Variants in RCOR1 observed in about 807,000 individuals in gnomAD.
RCOR1 encodes REST corepressor 1, also known as REST corepressor.
In RCOR1, 12 loss-of-function variants were observed where a neutral mutation model predicts 64.0. The ratio of observed to expected loss-of-function variants is 0.19; its 90% CI spans 0.12 to 0.30. The LOEUF is 0.30. Among genes scored for constraint, RCOR1 ranks in the 10% least tolerant of loss-of-function variants. RCOR1 has a pLI of 1.00. For missense variants in RCOR1, 502 were observed against 621.2 expected (o/e 0.81, Z 2.04); for synonymous variants, 279 against 227.2 (o/e 1.23, Z -2.05).
chr14:102,600,590 A>G (rs1893371558), intron 2 of RCOR1, among the ~76,000 whole-genome samples: 1 of 142,678 alleles, frequency 7.0e-6, no homozygotes. Flanking sequence ...TTTTTTTTGA[A>G]GACGGAGTCT....
intron 2 of RCOR1, among the ~76,000 whole-genome samples, chr14:102,647,206 C>T (rs576052908): frequency 3.9e-4 from 59 of 152,286 alleles, no homozygotes; most frequent in African/African-American, 1.3e-3. Context: ...TCAAAATCCT[C>T]CAGTGGAAGC....
chr14:102,664,728 A>G (rs1894884049), intron 2 of RCOR1, among the ~76,000 whole-genome samples: 1 of 152,254 alleles, frequency 6.6e-6, no homozygotes, highest in Non-Finnish European at 1.5e-5. Flanking sequence ...TATGTTATGC[A>G]TATTAATTTA....
intron 3 of RCOR1, among the ~76,000 whole-genome samples, chr14:102,691,743 A>C (rs1895537254): frequency 6.6e-6 from 1 of 152,226 alleles, no homozygotes; most frequent in African/African-American, 2.4e-5. Context: ...ATTAAACAGT[A>C]ATTTACCTTG....
At chr14:102,709,309 A>C (rs529278739) in intron 6 of RCOR1, among the ~76,000 whole-genome samples, 104 of 152,316 alleles carry the variant, frequency 6.8e-4, no homozygotes, top group Middle Eastern at 3.4e-3. Context: ...CTTAACTCTA[A>C]AATGAAGATG....
chr14:102,690,676 T>G (rs1187225881), intron 3 of RCOR1, among the ~76,000 whole-genome samples: 2 of 152,226 alleles, frequency 1.3e-5, no homozygotes, highest in African/African-American at 4.8e-5. Flanking sequence ...TGGTTATTGC[T>G]TAAGTGTCAC....
chr14:102,648,388 C>G (rs1238615878), intron 2 of RCOR1, among the ~76,000 whole-genome samples: 2 of 152,132 alleles, frequency 1.3e-5, no homozygotes, highest in African/African-American at 4.8e-5. Context: ...CCTCTATAAT[C>G]CTTTAAATGC....
intron 2 of RCOR1, among the ~76,000 whole-genome samples, chr14:102,613,396 C>G (rs529095332): frequency 6.6e-6 from 1 of 151,360 alleles, no homozygotes; most frequent in South Asian, 2.1e-4. Context: ...GCCATCGCAC[C>G]TGGCCTTTTT....
chr14:102,719,632 T>G (rs548685302), intron 8 of RCOR1, among the ~76,000 whole-genome samples: 1 of 152,360 alleles, frequency 6.6e-6, no homozygotes, highest in African/African-American at 2.4e-5. Context: ...AGCCTAGATA[T>G]TTCTGATACG....
chr14:102,645,878 C>T (rs966238701), intron 2 of RCOR1, among the ~76,000 whole-genome samples: 1 of 152,198 alleles, frequency 6.6e-6, no homozygotes, highest in African/African-American at 2.4e-5. Flanking sequence ...GCTGAGCCGC[C>T]TCCACAAGGT....
intron 2 of RCOR1, among the ~76,000 whole-genome samples, chr14:102,675,868 C>T (rs1895134427): frequency 6.6e-6 from 1 of 152,134 alleles, no homozygotes; most frequent in Admixed American, 6.5e-5. Context: ...TATGAATGAA[C>T]TTGTACTGGC....
chr14:102,665,940 C>T (rs943799338), intron 2 of RCOR1, among the ~76,000 whole-genome samples: 7 of 152,156 alleles, frequency 4.6e-5, no homozygotes, highest in African/African-American at 1.7e-4. Context: ...CTTACAAAGC[C>T]ATTGTTTTCT....
At chr14:102,658,117 G>T (rs945515953) in intron 2 of RCOR1, 4 of 202,504 alleles carry the variant, frequency 2.0e-5, no homozygotes, top group Admixed American at 6.5e-5. Flanking sequence ...TGGGATTACA[G>T]ATGCCCACCG....
At chr14:102,623,395 T>C (rs1007290094) in intron 2 of RCOR1, among the ~76,000 whole-genome samples, 1 of 136,276 alleles carries the variant, frequency 7.3e-6, no homozygotes, top group African/African-American at 3.1e-5. Context: ...TTATTATTTA[T>C]TTATTTATTT....
In RCOR1 at chr14:102,710,990, C is replaced by G. The variant is rs751475775; in HGVS notation, c.835C>G (p.Gln279Glu). The change falls in exon 7 of 12, where the codon CAA becomes GAA. Residue 279 changes from glutamine to glutamate, a missense_variant. Physicochemically the swap from Gln to Glu is conservative, Grantham distance 29 (BLOSUM62 2). Transcript: ENST00000262241. ...GNNPIDIEVD[Q>E]NKESKKEVPP... ...CAATCCCATTGACATTGAGGTTGAT[C>G]AAAACAAGGAAAGCAAAAAGGAGGT... is the stretch of plus-strand genomic sequence containing the variant. 1.2e-6 allele frequency: 2 copies of G among 1,606,284 alleles called. No individual in the cohort carries two copies. Among genetic ancestry groups the G allele is most frequent in the East Asian group, 2.2e-5 (1 of 44,482 alleles).
At chr14:102,693,432 C>T (rs969713703) in intron 3 of RCOR1, among the ~76,000 whole-genome samples, 4 of 152,148 alleles carry the variant, frequency 2.6e-5, no homozygotes, top group African/African-American at 9.7e-5. Context: ...CACTGTGTTG[C>T]AACTTACTTT....
chr14:102,667,777 C>G lies in RCOR1; in HGVS notation c.362-14118C>G, dbSNP rs1258336496. On this transcript the variant is annotated intron_variant, in intron 2 of 11. Transcript: ENST00000262241. ...AGTGCTAGTAGCAGATGAGGGGACTCCAAGATGACTTGCCAGCCATATTGC... is the reference window on the plus strand; with the variant it reads ...AGTGCTAGTAGCAGATGAGGGGACTGCAAGATGACTTGCCAGCCATATTGC... Among the ~76,000 whole-genome samples the G allele has an allele frequency of 3.4e-5, 5 of 146,944 alleles. No homozygotes were observed. The East Asian group carries it at 9.7e-4, about 28-fold the overall frequency.
chr14:102,692,346 C>G (rs1404949592), intron 3 of RCOR1, among the ~76,000 whole-genome samples: 1 of 151,818 alleles, frequency 6.6e-6, no homozygotes, highest in East Asian at 1.9e-4. Context: ...TTATGTAGGA[C>G]AGTATACCTA....
intron 2 of RCOR1, among the ~76,000 whole-genome samples, chr14:102,600,376 GTGAT>G (rs1185533575): frequency 6.6e-6 from 1 of 151,408 alleles, no homozygotes; most frequent in Non-Finnish European, 1.5e-5. Flanking sequence ...CGCCCAGCCA[GTGAT>G]TGATTGATTG....
intron 2 of RCOR1, among the ~76,000 whole-genome samples, chr14:102,644,918 T>C (rs140646336): frequency 6.6e-6 from 1 of 152,340 alleles, no homozygotes. Flanking sequence ...TGAGTTACCC[T>C]TTTCCCTAAG....
Sources: allele counts gnomAD v4.1 joint callset (sites outside exome capture counted in the v4.1 genomes callset), GRCh38; gene constraint gnomAD v4.1.1; transcripts MANE v1.5; gene names NCBI Gene and HGNC (gene_info 2026-07-23, HGNC 2026-07-21).